Variants in MZT2A observed in about 807,000 individuals in gnomAD.
MZT2A encodes mitotic spindle organizing protein 2A.
In MZT2A, 8 loss-of-function variants were observed where a neutral mutation model predicts 12.4. The ratio of observed to expected loss-of-function variants is 0.64; its 90% CI spans 0.38 to 1.16. The LOEUF is 1.16. MZT2A is among the 50% of genes most tolerant of loss of function. The pLI is 0.01. For missense variants in MZT2A, 181 were observed against 223.6 expected, an observed-to-expected ratio of 0.81 and a Z score of 1.22; for synonymous variants, 88 against 107.5, an observed-to-expected ratio of 0.82 and a Z score of 1.12.
chr2:131,491,013 C>T (rs1250994436), intron 2 of MZT2A: 2 of 1,419,762 alleles, frequency 1.4e-6, no homozygotes, highest in African/African-American at 2.8e-5. Flanking sequence ...CTGGCACTTC[C>T]CCCATGAAGG....
downstream of MZT2A, chr2:131,483,908 C>T (rs1678942042): frequency 7.1e-7 from 1 of 1,399,900 alleles, no homozygotes; most frequent in Admixed American, 2.8e-5. Flanking sequence ...ACAGAAACTT[C>T]ATTCTAAGTG....
At chr2:131,474,835 C>CA (rs113925755) in intron 2 of MZT2A, among the ~76,000 whole-genome samples, 25,874 of 152,008 alleles carry the variant, frequency 0.17, 4,036 homozygotes, top group African/African-American at 0.41. Context: ...TCTCTAATTT[C>CA]AAATTCTTGG....
In MZT2A at chr2:131,491,974, T is replaced by G; in HGVS notation, c.221A>C (p.Gln74Pro). Residue 74 changes from glutamine to proline, a missense_variant, in exon 2 of 3, where the codon CAG (glutamine) becomes CCG (proline). Physicochemically the swap from Gln to Pro is moderately conservative, Grantham distance 76 (BLOSUM62 -1). Transcript: ENST00000309451. Reference sequence around the variant, plus strand: ...CCCGGCACACATGGACTTGAGCATCTGGAAGACGGCGAGGGGGGCCACGTT... The same window carrying G: ...CCCGGCACACATGGACTTGAGCATCGGGAAGACGGCGAGGGGGGCCACGTT... ...KLNVAPLAVF[Q>P]MLKSMCAGQR... is the part of the protein sequence containing the mutation. The G allele has an allele frequency of 3.2e-6, 5 of 1,551,686 alleles. No homozygotes were observed. The highest frequency in any genetic ancestry group is 4.4e-6 in the Non-Finnish European group (5 of 1,147,756).
At chr2:131,471,986 C>A in intron 3 of MZT2A, 1 of 1,211,950 alleles carries the variant, frequency 8.3e-7, no homozygotes, top group Non-Finnish European at 1.1e-6. Context: ...CCAAGGAGGT[C>A]TTTAAACATC....
At chr2:131,478,448 C>CACACGGGGCTTTA in intron 2 of MZT2A, 1 of 1,449,892 alleles carries the variant, frequency 6.9e-7, no homozygotes, top group Non-Finnish European at 9.3e-7. Context: ...TGGTAAAGCC[C>CACACGGGGCTTTA]CGTGTGGGCT....
chr2:131,486,618 TAAG>T (rs1679062476), intron 2 of MZT2A: 1 of 151,190 alleles, frequency 6.6e-6, no homozygotes, highest in Non-Finnish European at 1.5e-5. Context: ...TTTTTTTTTT[TAAG>T]AGTGGTGGGG....
chr2:131,480,863 G>A (rs1345719009), downstream of MZT2A: 7 of 1,432,058 alleles, frequency 4.9e-6, no homozygotes, highest in African/African-American at 2.9e-5. Flanking sequence ...GGCTAGGCAT[G>A]TGGGCATAAA....
intron 2 of MZT2A, chr2:131,490,073 T>C: frequency 1.2e-6 from 1 of 848,434 alleles, no homozygotes; most frequent in Non-Finnish European, 1.4e-6. Context: ...CTCCACCCTC[T>C]CTTGGGCCTG....
intron 2 of MZT2A, among the ~76,000 whole-genome samples, chr2:131,476,561 C>T (rs114357361): frequency 1.9e-3 from 291 of 152,264 alleles, no homozygotes; most frequent in African/African-American, 6.3e-3. Context: ...CCTTCGGTGA[C>T]GGGGGTTGGG....
At chr2:131,493,115 A>G (rs1045857186), upstream of MZT2A, 2 of 1,489,182 alleles carry the variant, frequency 1.3e-6, no homozygotes, top group Non-Finnish European at 9.0e-7. Context: ...CCACCTCTGA[A>G]GCGGGCGACG....
intron 2 of MZT2A, chr2:131,489,323 T>C (rs1404097131): frequency 6.7e-6 from 1 of 150,018 alleles, no homozygotes; most frequent in African/African-American, 2.5e-5. Context: ...GCCTCCCAAG[T>C]AGCTGGGAAT....
At chr2:131,486,900 C>A (rs895832180) in intron 2 of MZT2A, among the ~76,000 whole-genome samples, 3 of 152,116 alleles carry the variant, frequency 2.0e-5, no homozygotes, top group African/African-American at 7.2e-5. Context: ...TCAGGAATTG[C>A]GTGCTCTCGG....
intron 2 of MZT2A, chr2:131,478,307 C>T: frequency 6.8e-6 from 11 of 1,613,992 alleles, no homozygotes; most frequent in Non-Finnish European, 8.5e-6. Flanking sequence ...ACGACTCCTT[C>T]AACACGTTCT....
In MZT2A at chr2:131,484,186, C is replaced by A. The variant is rs762132283; in HGVS notation, c.352G>T (p.Val118Leu). The A allele has an allele frequency of 1.7e-5, 28 of 1,613,994 alleles. No homozygotes were observed. The highest frequency in any genetic ancestry group is 2.3e-5 in the Non-Finnish European group (27 of 1,179,972). ...RDKGSAALGG[V>L]LALAERSNHE... is the part of the protein sequence containing the mutation. ...TTGCTGCGTTCCGCCAGGGCCAATA[C>A]TCCCCCGAGGGCAGCGCTGCCTTTG... Residue 118 changes from valine to leucine, a missense_variant, in exon 3 of 3, where the codon GTA (valine) becomes TTA (leucine). Physicochemically the swap from Val to Leu is conservative, Grantham distance 32. Transcript: ENST00000309451.
chr2:131,493,120 G>A, upstream of MZT2A: 1 of 1,487,066 alleles, frequency 6.7e-7, no homozygotes, highest in Non-Finnish European at 9.0e-7. Context: ...TCTGAAGCGG[G>A]CGACGCTATG....
Position 131,484,096 on chromosome 2 carries a change from C to T in MZT2A, c.442G>A (p.Gly148Arg), listed in dbSNP as rs777517929. The change falls in exon 3 of 3, where the codon GGG becomes AGG. Residue 148 changes from glycine to arginine, a missense_variant. By Grantham distance (125) the Gly-to-Arg change is moderately radical (BLOSUM62 -2). Around this residue, in one of 3 missense-constraint regions of MZT2A, gnomAD observed 72 missense variants for 76.9 expected, o/e 0.94. Transcript: ENST00000309451. Reference sequence around the variant, plus strand: ...CCCTGCGTAGGGCTCTTCCCAGGCCCGCCCCCCTTGGGCAGCCTGGTAGCG... The same window carrying T: ...CCCTGCGTAGGGCTCTTCCCAGGCCTGCCCCCCTTGGGCAGCCTGGTAGCG... ...PSATRLPKGGGPGKSPTQGST is the reference protein window; with the variant it reads ...PSATRLPKGGRPGKSPTQGST The T allele has an allele frequency of 9.3e-6, 15 of 1,613,592 alleles. No individual in the cohort carries two copies. The highest frequency in any genetic ancestry group is 1.6e-4 in the Middle Eastern group (1 of 6,080).
chr2:131,487,029 G>A (rs796633139), intron 2 of MZT2A, among the ~76,000 whole-genome samples: 5 of 152,202 alleles, frequency 3.3e-5, no homozygotes, highest in African/African-American at 7.2e-5. Flanking sequence ...CTGCTCCCTC[G>A]GGAGGGGCTA....
At chr2:131,479,847 C>G (rs556128013), downstream of MZT2A, among the ~76,000 whole-genome samples, 1 of 152,084 alleles carries the variant, frequency 6.6e-6, no homozygotes, top group Admixed American at 6.5e-5. Flanking sequence ...CTCAAACAAA[C>G]AAGCAAAAAC....
At position 131,484,169 on chromosome 2, in the gene MZT2A, T is replaced by C; in HGVS notation, c.369A>G (p.Glu123=). Residue 123 remains glutamate (E), a synonymous_variant, in exon 3 of 3, where the codon GAA becomes GAG. Coordinates refer to ENST00000309451, the MANE Select transcript of MZT2A (RefSeq NM_001085365.2). The stretch of plus-strand genomic sequence containing the variant: ...GGCTGGATCCCTCGTGGTTGCTGCG[T>C]TCCGCCAGGGCCAATACTCCCCCGA... ...AALGGVLALA[E]RSNHEGSSQR... 1 of 1,614,076 alleles carries C rather than the reference T, an allele frequency of 6.2e-7. No individual in the cohort carries two copies. The highest frequency in any genetic ancestry group is 8.5e-7 in the Non-Finnish European group (1 of 1,179,968).
Sources: allele counts gnomAD v4.1 joint callset (sites outside exome capture counted in the v4.1 genomes callset), GRCh38; gene constraint gnomAD v4.1.1; regional missense constraint gnomAD v4.1.1; transcripts MANE v1.5; gene names NCBI Gene and HGNC (gene_info 2026-07-23, HGNC 2026-07-21).